Variants in MS4A4A observed in about 807,000 individuals in gnomAD.
MS4A4A encodes membrane-spanning 4-domains subfamily A member 4A.
In MS4A4A, 26 loss-of-function variants were observed where a neutral mutation model predicts 28.0. The ratio of observed to expected loss-of-function variants is 0.93; its 90% CI spans 0.68 to 1.29. MS4A4A has a LOEUF of 1.29. Ranked by LOEUF, MS4A4A falls within the 50% of genes most tolerant of loss-of-function variation. The pLI is 0.00. For synonymous variants in MS4A4A, 86 were observed against 100.8 expected, an observed-to-expected ratio of 0.85 and a Z score of 0.88; for missense variants, 290 against 293.1, an observed-to-expected ratio of 0.99 and a Z score of 0.08.
At chr11:60,299,710 C>T (rs1460688411) in intron 3 of MS4A4A, among the ~76,000 whole-genome samples, 1 of 152,150 alleles carries the variant, frequency 6.6e-6, no homozygotes, top group Non-Finnish European at 1.5e-5. Flanking sequence ...ATCCACCCGC[C>T]TCAGCCTCCC....
intron 3 of MS4A4A, among the ~76,000 whole-genome samples, chr11:60,298,457 C>T (rs923257249): frequency 6.6e-6 from 1 of 152,188 alleles, no homozygotes; most frequent in Non-Finnish European, 1.5e-5. Flanking sequence ...TCTTATTAAA[C>T]TCTTACTATC....
chr11:60,280,702 C>T lies in MS4A4A; in HGVS notation c.27C>T (p.Cys9=). 6.2e-7 allele frequency: 1 copy of T among 1,613,590 alleles called. No homozygotes were observed. Among genetic ancestry groups the T allele is most frequent in the Non-Finnish European group, 8.5e-7 (1 of 1,179,690 alleles). MHQTYSRH[C]RPEESTFSAA... Reference sequence around the variant, plus strand: ...TGCATCAGACCTACAGCAGACATTGCAGGCCTGAAGAAAGGTAGGTCCAGG... The same window carrying T: ...TGCATCAGACCTACAGCAGACATTGTAGGCCTGAAGAAAGGTAGGTCCAGG... The change falls in exon 1 of 7, where the codon TGC becomes TGT. Residue 9 remains cysteine, a synonymous_variant. Coordinates refer to ENST00000337908, the MANE Select transcript of MS4A4A (RefSeq NM_148975.3).
At chr11:60,292,184 C>A in intron 1 of MS4A4A, 41 bp from the exon 2 acceptor site, 1 of 1,494,986 alleles carries the variant, frequency 6.7e-7, no homozygotes, top group South Asian at 1.4e-5. Context: ...CCTCTTTTGC[C>A]ATTTCCAGGA....
At position 60,302,132 on chromosome 11, in the gene MS4A4A, A is replaced by G. The variant is rs999670816; in HGVS notation, c.388-427A>G. 3.3e-5 allele frequency among the ~76,000 whole-genome samples: 5 copies of G among 152,196 alleles called. 1 individual carries two copies. The East Asian group carries it at 5.8e-4, about 18-fold the overall frequency. On this transcript the variant is annotated intron_variant, in intron 4 of 6. Coordinates refer to ENST00000337908, the MANE Select transcript of MS4A4A (RefSeq NM_148975.3). Reference sequence around the variant, plus strand: ...TCCTTACCTTTATCCATGAGAAGAGAACGTACAGAAAAGAATATACTGCTG... The same window carrying G: ...TCCTTACCTTTATCCATGAGAAGAGGACGTACAGAAAAGAATATACTGCTG...
intron 1 of MS4A4A, among the ~76,000 whole-genome samples, chr11:60,289,117 G>C (rs1321500321): frequency 1.3e-5 from 2 of 152,148 alleles, no homozygotes; most frequent in Non-Finnish European, 2.9e-5. Context: ...GTGTGCAATA[G>C]CTACTCACTT....
At chr11:60,305,871 C>T in intron 5 of MS4A4A, 1 of 518,024 alleles carries the variant, frequency 1.9e-6, no homozygotes, top group South Asian at 2.9e-5. Flanking sequence ...CACAATAGCA[C>T]TGGGAGGTGC....
rs770409479 is a variant in MS4A4A at position 60,306,120 on chromosome 11, C to T, written c.567C>T (p.Leu189=). Residue 189 remains leucine (L), a synonymous_variant, in exon 6 of 7, where the codon CTC becomes CTT. Transcript: ENST00000337908. ...SILMGLDGMV[L]LLSVLEFCIA... ...CCTAGGGTCTGGATGGCATGGTGCT[C>T]CTCCTAAGTGTGCTGGAATTCTGCA... The T allele has an allele frequency of 1.2e-6, 2 of 1,613,680 alleles. No homozygotes were observed. Among genetic ancestry groups the T allele is most frequent in the Non-Finnish European group, 1.7e-6 (2 of 1,179,588 alleles).
intron 6 of MS4A4A, 101 bp downstream of exon 6, chr11:60,306,302 C>T (rs1417610244): frequency 1.0e-6 from 1 of 954,728 alleles, no homozygotes; most frequent in Non-Finnish European, 1.6e-6. Context: ...CATTCATTAT[C>T]TCTCAGTTTC....
chr11:60,289,652 C>T (rs1445129630), intron 1 of MS4A4A, among the ~76,000 whole-genome samples: 3 of 150,596 alleles, frequency 2.0e-5, no homozygotes, highest in Admixed American at 6.6e-5. Flanking sequence ...AGGAACTTCT[C>T]GTTGGCCTTC....
At chr11:60,306,595 C>T (rs1367214813) in intron 6 of MS4A4A, among the ~76,000 whole-genome samples, 1 of 152,280 alleles carries the variant, frequency 6.6e-6, no homozygotes, top group African/African-American at 2.4e-5. Flanking sequence ...TGAAAGTCAA[C>T]TAGTTAGTAC....
chr11:60,296,347 CCTCT>C (rs1008543267), intron 2 of MS4A4A, among the ~76,000 whole-genome samples: 1 of 151,612 alleles, frequency 6.6e-6, no homozygotes, highest in Non-Finnish European at 1.5e-5. Flanking sequence ...TAATTTTTGT[CCTCT>C]CTCTTTTTCT....
intron 5 of MS4A4A, chr11:60,305,886 C>A: frequency 3.6e-6 from 2 of 550,154 alleles, no homozygotes; most frequent in Admixed American, 6.5e-5. Context: ...AGGTGCTGAA[C>A]TAGGGAATAA....
chr11:60,299,126 T>C (rs996277668), intron 3 of MS4A4A, among the ~76,000 whole-genome samples: 3 of 152,250 alleles, frequency 2.0e-5, no homozygotes, highest in African/African-American at 7.2e-5. Flanking sequence ...ACTTGTAATG[T>C]GTATATATAA....
chr11:60,303,797 C>T (rs905459253), intron 5 of MS4A4A, among the ~76,000 whole-genome samples: 2 of 152,170 alleles, frequency 1.3e-5, no homozygotes, highest in African/African-American at 4.8e-5. Flanking sequence ...TTTCACCTTG[C>T]TGCTTAGTTC....
intron 2 of MS4A4A, among the ~76,000 whole-genome samples, chr11:60,294,069 T>A (rs140791090): frequency 4.1e-4 from 63 of 152,340 alleles, no homozygotes; most frequent in African/African-American, 1.4e-3. Flanking sequence ...CTTTGAAGAT[T>A]TCAATCAACA....
chr11:60,289,151 G>C (rs895424342), intron 1 of MS4A4A, among the ~76,000 whole-genome samples: 3 of 152,188 alleles, frequency 2.0e-5, no homozygotes, highest in Non-Finnish European at 4.4e-5. Context: ...CACTGTAGCA[G>C]TGATTCGTTT....
chr11:60,287,397 ATAAC>A (rs1464322556), intron 1 of MS4A4A, among the ~76,000 whole-genome samples: 2 of 152,190 alleles, frequency 1.3e-5, no homozygotes, highest in Non-Finnish European at 2.9e-5. Flanking sequence ...CACTCCTGTG[ATAAC>A]TAACCTTCTC....
chr11:60,285,106 G>A (rs368563506), intron 1 of MS4A4A, among the ~76,000 whole-genome samples: 1 of 152,052 alleles, frequency 6.6e-6, no homozygotes, highest in Non-Finnish European at 1.5e-5. Context: ...AATCAAGAGT[G>A]GCAAGAACTC....
chr11:60,288,072 T>C (rs147696800), intron 1 of MS4A4A, among the ~76,000 whole-genome samples: 1,560 of 152,272 alleles, frequency 0.01, 27 homozygotes, highest in African/African-American at 0.031. Context: ...AAAGGTAGCC[T>C]CACTACCATG....
Sources: allele counts gnomAD v4.1 joint callset (sites outside exome capture counted in the v4.1 genomes callset), GRCh38; gene constraint gnomAD v4.1.1; transcripts MANE v1.5; gene names NCBI Gene and HGNC (gene_info 2026-07-23, HGNC 2026-07-21).